The following SND1 variants were observed in gnomAD, a reference collection of about 807,000 sequenced individuals.
SND1 encodes the protein staphylococcal nuclease domain-containing protein 1.
A neutral mutation model predicts 121.7 loss-of-function variants in SND1; 38 were observed. That is an observed-to-expected ratio of 0.31 (90% CI 0.24 to 0.41). The LOEUF (loss-of-function observed/expected upper bound fraction) is 0.41, where lower values mean the gene tolerates loss of function less well. Among genes scored for constraint, SND1 ranks in the 10% least tolerant of loss-of-function variants. The pLI is 1.00. For synonymous variants in SND1, 401 were observed against 447.4 expected (o/e 0.90, Z 1.31); for missense variants, 868 against 1,184.6 (o/e 0.73, Z 3.92).
At position 127,879,929 on chromosome 7, in the gene SND1, A is replaced by G. The variant is rs73465843; in HGVS notation, c.1344-7973A>G. Among the ~76,000 whole-genome samples the G allele has an allele frequency of 1.8e-3, 271 of 152,346 alleles. 1 individual carries two copies. The highest frequency in any genetic ancestry group is 5.7e-3 in the African/African-American group (237 of 41,586). ...TAAATATATGTGTGTGCATGCATGC[A>G]GGCATCTGCATGAGATATATGCCTC... On this transcript the variant is annotated intron_variant, in intron 12 of 23. Transcript: ENST00000354725.
At chr7:127,822,977 G>C (rs944903835) in intron 11 of SND1, among the ~76,000 whole-genome samples, 1 of 152,212 alleles carries the variant, frequency 6.6e-6, no homozygotes, top group Non-Finnish European at 1.5e-5. Context: ...TAAGCATTTA[G>C]TGCAGTGCTT....
intron 16 of SND1, among the ~76,000 whole-genome samples, chr7:128,063,350 G>C (rs191396421): frequency 2.0e-5 from 3 of 152,198 alleles, no homozygotes; most frequent in African/African-American, 2.4e-5. Context: ...TGTTCATGGC[G>C]TCTGGGCTGT....
intron 12 of SND1, among the ~76,000 whole-genome samples, chr7:127,851,632 A>G (rs1799166252): frequency 1.3e-5 from 2 of 152,224 alleles, no homozygotes; most frequent in Admixed American, 6.5e-5. Flanking sequence ...GGTATGTACT[A>G]AGGACTGTGT....
chr7:127,985,490 T>G (rs765053298), intron 15 of SND1, among the ~76,000 whole-genome samples: 41 of 152,174 alleles, frequency 2.7e-4, no homozygotes, highest in Non-Finnish European at 4.6e-4. Flanking sequence ...ACTCCTGACC[T>G]CAAGTGATCC....
chr7:127,926,393 G>T (rs1002586010), intron 14 of SND1, among the ~76,000 whole-genome samples: 10 of 151,994 alleles, frequency 6.6e-5, no homozygotes, highest in Non-Finnish European at 4.4e-5. Context: ...CTTAGTGACT[G>T]GTCCACAGGC....
intron 16 of SND1, among the ~76,000 whole-genome samples, chr7:128,063,355 G>T (rs1011021067): frequency 3.9e-5 from 6 of 152,160 alleles, no homozygotes; most frequent in Non-Finnish European, 8.8e-5. Flanking sequence ...ATGGCGTCTG[G>T]GCTGTGCTGC....
chr7:128,038,687 G>T (rs1792795967), intron 16 of SND1, among the ~76,000 whole-genome samples: 1 of 138,314 alleles, frequency 7.2e-6, no homozygotes, highest in South Asian at 2.1e-4. Context: ...TACTGGGTTG[G>T]GTTTTTTTTT....
chr7:127,688,319 A>G (rs987013285), intron 2 of SND1, among the ~76,000 whole-genome samples: 11 of 151,936 alleles, frequency 7.2e-5, no homozygotes, highest in African/African-American at 2.4e-4. Context: ...GGCAGCTGCT[A>G]TGTGTACCAA....
intron 15 of SND1, among the ~76,000 whole-genome samples, chr7:127,940,734 T>TC (rs1430773732): frequency 2.0e-5 from 3 of 152,248 alleles, no homozygotes; most frequent in African/African-American, 4.8e-5. Context: ...CAAAAGTTTT[T>TC]CTGAGGCTTC....
At chr7:127,846,779 A>T (rs1799072005) in intron 12 of SND1, among the ~76,000 whole-genome samples, 1 of 152,156 alleles carries the variant, frequency 6.6e-6, no homozygotes, top group Non-Finnish European at 1.5e-5. Flanking sequence ...ATCACAGCAG[A>T]TTCAGAGAGA....
chr7:127,786,615 TTTTTG>T (rs372698626), intron 10 of SND1, among the ~76,000 whole-genome samples: 436 of 152,224 alleles, frequency 2.9e-3, no homozygotes, highest in East Asian at 4.3e-3. Flanking sequence ...GCATAGTGTT[TTTTTG>T]TTTTGTTTTG....
intron 16 of SND1, among the ~76,000 whole-genome samples, chr7:128,074,069 C>G (rs1022524250): frequency 6.6e-6 from 1 of 152,180 alleles, no homozygotes; most frequent in Non-Finnish European, 1.5e-5. Context: ...CGAATTCATT[C>G]AGCTCTACCA....
chr7:127,695,099 C>T (rs1795984113), intron 3 of SND1, 151 bp downstream of exon 3: 1 of 851,396 alleles, frequency 1.2e-6, no homozygotes, highest in Admixed American at 2.8e-5. Flanking sequence ...GGGCCCTGAG[C>T]ACAGGGAATA....
At chr7:127,788,287 A>G (rs1333236544) in intron 10 of SND1, among the ~76,000 whole-genome samples, 2 of 152,216 alleles carry the variant, frequency 1.3e-5, no homozygotes, top group Non-Finnish European at 2.9e-5. Flanking sequence ...TAGGTGCTGG[A>G]GGCTACAGAG....
intron 15 of SND1, among the ~76,000 whole-genome samples, chr7:127,934,529 TG>T (rs1801017141): frequency 6.6e-6 from 1 of 152,040 alleles, no homozygotes; most frequent in Non-Finnish European, 1.5e-5. Flanking sequence ...GTCTGAAATC[TG>T]GGGAGAAAAC....
chr7:127,796,890 CTTTTTT>C (rs36078891), intron 10 of SND1, among the ~76,000 whole-genome samples: 5 of 102,088 alleles, frequency 4.9e-5, no homozygotes, highest in Admixed American at 1.2e-4. Flanking sequence ...TTTCCTGAGT[CTTTTTT>C]TTTTTTTTTT....
In SND1 at chr7:128,046,372, T is replaced by G. The variant is rs572264206; in HGVS notation, c.1780-28130T>G. ...TTTTTTGGTTGTTGTTGTGTTTTTTTTTTTTTTTTTTGAGACAGAGTCTCA... is the reference window on the plus strand; with the variant it reads ...TTTTTTGGTTGTTGTTGTGTTTTTTGTTTTTTTTTTTGAGACAGAGTCTCA... On this transcript the variant is annotated intron_variant, in intron 16 of 23. Coordinates refer to ENST00000354725, the MANE Select transcript of SND1 (RefSeq NM_014390.4). Among the ~76,000 whole-genome samples the G allele has an allele frequency of 1.4e-4, 20 of 147,074 alleles. No individual in the cohort carries two copies. The South Asian group carries it at 2.2e-3, about 16-fold the overall frequency.
At chr7:127,680,070 C>T (rs1291769764) in intron 1 of SND1, among the ~76,000 whole-genome samples, 6 of 152,172 alleles carry the variant, frequency 3.9e-5, no homozygotes, top group Middle Eastern at 3.4e-3. Context: ...GCTGGGCATC[C>T]GGGGGAGACG....
chr7:127,703,297 A>C lies in SND1; in HGVS notation c.814A>C (p.Asn272His). Residue 272 changes from asparagine (N) to histidine (H), a missense_variant, in exon 7 of 24, where the codon AAC (asparagine) becomes CAC (histidine). Asn to His is a moderately conservative substitution (Grantham distance 68, BLOSUM62 1). Around this residue, in one of 2 missense-constraint regions of SND1, gnomAD observed 743 missense variants for 1,071.3 expected, o/e 0.69. Transcript: ENST00000354725. ...QIILESCHNQ[N>H]ILGTILHPNG... ...CATTCTGGAGAGCTGCCACAACCAG[A>C]ACATTCTGGGTACCATCCTTCATCC... The C allele has an allele frequency of 6.2e-7, 1 of 1,614,118 alleles. No individual in the cohort carries two copies. The highest frequency in any genetic ancestry group is 1.1e-5 in the South Asian group (1 of 91,086).
Sources: allele counts gnomAD v4.1 joint callset (sites outside exome capture counted in the v4.1 genomes callset), GRCh38; gene constraint gnomAD v4.1.1; regional missense constraint gnomAD v4.1.1; transcripts MANE v1.5; gene names NCBI Gene and HGNC (gene_info 2026-07-23, HGNC 2026-07-21).